The following CSF2RA variants were observed in gnomAD, a reference collection of about 807,000 sequenced individuals.
CSF2RA encodes colony stimulating factor 2 receptor subunit alpha, also known as granulocyte-macrophage colony-stimulating factor receptor subunit alpha.
A neutral mutation model predicts 51.6 loss-of-function variants in CSF2RA; 42 were observed. The ratio of observed to expected loss-of-function variants is 0.81; its 90% CI spans 0.64 to 1.05. CSF2RA has a LOEUF of 1.05. Among genes scored for constraint, CSF2RA ranks in the 50% least tolerant of loss-of-function variants. CSF2RA has a pLI of 0.00. For synonymous variants in CSF2RA, 222 were observed against 193.0 expected (o/e 1.15, Z -1.24); for missense variants, 530 against 501.1 (o/e 1.06, Z -0.55).
At chrX:1,283,055 C>G (rs2090218906) in intron 3 of CSF2RA, among the ~76,000 whole-genome samples, 1 of 152,068 alleles carries the variant, frequency 6.6e-6, no homozygotes, top group Admixed American at 6.6e-5. Flanking sequence ...AGTGATGGGG[C>G]CAGGATGAGG....
At chrX:1,312,624 T>C (rs1415440944), downstream of CSF2RA, among the ~76,000 whole-genome samples, 3 of 152,118 alleles carry the variant, frequency 2.0e-5, no homozygotes, top group African/African-American at 7.2e-5. Flanking sequence ...AGTAATTCAA[T>C]CGCCACAGAT....
chrX:1,282,724 C>T lies in CSF2RA; in HGVS notation c.21C>T (p.Ser7=). Reference sequence around the variant, plus strand: ...GCACCATGCTTCTCCTGGTGACAAGCCTTCTGCTCTGTGAGTTACCACACC... The same window carrying T: ...GCACCATGCTTCTCCTGGTGACAAGTCTTCTGCTCTGTGAGTTACCACACC... MLLLVT[S]LLLCELPHPA... The change falls in exon 3 of 13, where the codon AGC becomes AGT. Residue 7 remains serine (S), a synonymous_variant. Transcript: ENST00000381529. 3 of 1,613,784 alleles carry T rather than the reference C, an allele frequency of 1.9e-6. No individual in the cohort carries two copies. The highest frequency in any genetic ancestry group is 2.5e-6 in the Non-Finnish European group (3 of 1,179,748).
chrX:1,312,148 G>T (rs1211317525), downstream of CSF2RA, among the ~76,000 whole-genome samples: 1 of 152,062 alleles, frequency 6.6e-6, no homozygotes, highest in East Asian at 1.9e-4. Context: ...GTAGAGATGG[G>T]GTTTCACCAT....
the CSF2RA span, among the ~76,000 whole-genome samples, chrX:1,319,958 C>G: frequency 6.7e-6 from 1 of 149,128 alleles, no homozygotes; most frequent in East Asian, 2.0e-4. Flanking sequence ...TGCAGTGGCA[C>G]GATCTCGGCT....
chrX:1,288,063 A>G (rs1279372463), intron 4 of CSF2RA, among the ~76,000 whole-genome samples: 1 of 151,470 alleles, frequency 6.6e-6, no homozygotes, highest in Non-Finnish European at 1.5e-5. Flanking sequence ...CAGCACTGCT[A>G]GAGTATAAGA....
chrX:1,287,587 G>GCA (rs1382183462), intron 4 of CSF2RA, among the ~76,000 whole-genome samples: 2 of 148,152 alleles, frequency 1.3e-5, no homozygotes, highest in Admixed American at 1.4e-4. Context: ...GGGATTACAG[G>GCA]TGCCCACCAC....
Position 1,309,629 on chromosome X carries a change from G to T in CSF2RA, c.*150G>T, listed in dbSNP as rs756218453. 1.3e-6 allele frequency: 2 copies of T among 1,591,420 alleles called. No homozygotes were observed. Among genetic ancestry groups the T allele is most frequent in the African/African-American group, 2.7e-5 (2 of 74,534 alleles). On this transcript the variant is annotated 3_prime_UTR_variant, in exon 13 of 13. Transcript: ENST00000381529. Reference sequence around the variant, plus strand: ...GGGCCAGGCGCGGTGGCTCACGCCTGTAATCCCAGCACTTTGGGAGGCCAA... The same window carrying T: ...GGGCCAGGCGCGGTGGCTCACGCCTTTAATCCCAGCACTTTGGGAGGCCAA...
At chrX:1,306,081 C>A in intron 12 of CSF2RA, 3 of 348,800 alleles carry the variant, frequency 8.6e-6, no homozygotes, top group African/African-American at 2.1e-5. Context: ...GACTCCATCT[C>A]AAAAGAAAAA....
Position 1,300,471 on chromosome X carries a change from C to A in CSF2RA, c.811-20C>A, listed in dbSNP as rs1191255614. 6.2e-7 allele frequency: 1 copy of A among 1,613,798 alleles called. No homozygotes were observed. The highest frequency in any genetic ancestry group is 8.5e-7 in the Non-Finnish European group (1 of 1,179,834). On this transcript the variant is annotated intron_variant, in intron 9 of 12. Coordinates refer to ENST00000381529, the MANE Select transcript of CSF2RA (RefSeq NM_172245.4). ...CCACACAGAAGACGCCTATCTCTAACTTTCTTTTTTCCTCCAAAGATTAAT... is the reference window on the plus strand; with the variant it reads ...CCACACAGAAGACGCCTATCTCTAAATTTCTTTTTTCCTCCAAAGATTAAT...
At chrX:1,296,138 C>A (rs1190982663) in intron 9 of CSF2RA, among the ~76,000 whole-genome samples, 2 of 151,132 alleles carry the variant, frequency 1.3e-5, no homozygotes, top group Non-Finnish European at 3.0e-5. Context: ...GTCCCCTACC[C>A]ATGACCCCTG....
chrX:1,279,914 C>A (rs1265743527), intron 2 of CSF2RA, among the ~76,000 whole-genome samples: 2 of 151,872 alleles, frequency 1.3e-5, no homozygotes, highest in East Asian at 3.9e-4. Context: ...CTCAACCTCC[C>A]GAGTAGCTGG....
chrX:1,280,904 G>GCTGCTCCTCCTCCTCCTC (rs2089865743), intron 2 of CSF2RA, among the ~76,000 whole-genome samples: 7 of 26,980 alleles, frequency 2.6e-4, no homozygotes, highest in African/African-American at 1.3e-3. Flanking sequence ...TCCTCCTCCT[G>GCTGCTCCTCCTCCTCCTC]CTCCTTCTCC....
Position 1,300,612 on chromosome X carries a change from A to T in CSF2RA, c.932A>T (p.Glu311Val). Residue 311 changes from glutamate to valine, a missense_variant, in exon 10 of 13, where the codon GAA becomes GTA. Physicochemically the swap from Glu to Val is moderately radical, Grantham distance 121. Transcript: ENST00000381529. Reference sequence around the variant, plus strand: ...ATCTTGAATTGGAGCTCCTGGAGTGAAGCCATTGAATTTGGTAAGCGTTGG... The same window carrying T: ...ATCTTGAATTGGAGCTCCTGGAGTGTAGCCATTGAATTTGGTAAGCGTTGG... ...VRILNWSSWS[E>V]AIEFGSDDGN... The T allele has an allele frequency of 6.2e-7, 1 of 1,613,892 alleles. No homozygotes were observed. Among genetic ancestry groups the T allele is most frequent in the Non-Finnish European group, 8.5e-7 (1 of 1,179,862 alleles).
At chrX:1,309,128 C>G (rs1325743992) in intron 12 of CSF2RA, among the ~76,000 whole-genome samples, 1 of 151,904 alleles carries the variant, frequency 6.6e-6, no homozygotes, top group Non-Finnish European at 1.5e-5. Flanking sequence ...TCTAATCAGT[C>G]GAAGGTCTAA....
intron 12 of CSF2RA, among the ~76,000 whole-genome samples, chrX:1,306,579 G>A (rs28821588): frequency 0.016 from 2,427 of 151,908 alleles, 48 homozygotes; most frequent in African/African-American, 0.053. Flanking sequence ...CCCAGGAGGC[G>A]GAGGCTGCAG....
rs1357905995 is a variant in CSF2RA, at chrX:1,290,514, G to T, written c.646+5G>T. ...TTTTGGACACAAAGAAAATAGGTGA[G>T]AATAACACATATGATTTTCCTATTG... On this transcript the variant is annotated splice_donor_5th_base_variant and intron_variant, in intron 7 of 12. Coordinates refer to ENST00000381529, the MANE Select transcript of CSF2RA (RefSeq NM_172245.4). 4.3e-6 allele frequency: 7 copies of T among 1,612,928 alleles called. No individual in the cohort carries two copies. The East Asian group carries it at 1.6e-4, about 36-fold the overall frequency.
intron 2 of CSF2RA, 102 bp downstream of exon 2, chrX:1,274,920 G>A (rs2088966562): frequency 4.5e-6 from 2 of 444,068 alleles, no homozygotes. Context: ...TGATGAACCA[G>A]GATAGAAGTG....
At chrX:1,303,300 A>G in intron 10 of CSF2RA, 3 of 431,872 alleles carry the variant, frequency 6.9e-6, no homozygotes, top group Non-Finnish European at 1.2e-5. Flanking sequence ...CAATGGCACA[A>G]TCTCGGCTCA....
At chrX:1,321,531 T>C in the CSF2RA span, among the ~76,000 whole-genome samples, 3 of 148,176 alleles carry the variant, frequency 2.0e-5, no homozygotes, top group African/African-American at 2.5e-5. Flanking sequence ...GCTGAGGTCG[T>C]GCCACTGCAC....
Sources: gnomAD v4.1 joint callset for allele counts (sites outside exome capture counted in the v4.1 genomes callset) on GRCh38, gnomAD v4.1.1 for gene constraint, MANE v1.5 for transcripts, NCBI Gene and HGNC (gene_info 2026-07-23, HGNC 2026-07-21) for gene names.